The following FOXO1 variants were observed in gnomAD, a reference collection of about 807,000 sequenced individuals.
FOXO1 encodes forkhead box O1.
A neutral mutation model predicts 44.1 loss-of-function variants in FOXO1; 6 were observed. The ratio of observed to expected loss-of-function variants is 0.14; its 90% CI spans 0.07 to 0.27. The LOEUF (loss-of-function observed/expected upper bound fraction) is 0.27. Among genes scored for constraint, FOXO1 ranks in the 10% least tolerant of loss-of-function variants. The pLI is 1.00. For synonymous variants in FOXO1, 380 were observed against 362.7 expected (o/e 1.05, Z -0.54); for missense variants, 737 against 888.8 (o/e 0.83, Z 2.17).
Position 40,559,734 on chromosome 13 carries a change from C to T in FOXO1, c.1757G>A (p.Gly586Asp), listed in dbSNP as rs767915535. The change falls in exon 2 of 3, where the codon GGC (glycine) becomes GAC (aspartate). Residue 586 changes from glycine to aspartate, a missense_variant. Physicochemically the swap from Gly to Asp is moderately conservative, Grantham distance 94. Around this residue, in one of 7 missense-constraint regions of FOXO1, gnomAD observed 283 missense variants for 278.1 expected, o/e 1.02. Transcript: ENST00000379561. ...GGYSSVSSCN[G>D]YGRMGLLHQE... The stretch of plus-strand genomic sequence containing the variant: ...GTGGAGAAGGCCCATTCTGCCATAG[C>T]CATTGCAGCTGCTCACGGAGGAGTA... 1 of 1,613,656 alleles carries T rather than the reference C, an allele frequency of 6.2e-7. No individual in the cohort carries two copies. Among genetic ancestry groups the T allele is most frequent in the Non-Finnish European group, 8.5e-7 (1 of 1,179,678 alleles).
In FOXO1 at chr13:40,560,080, G is replaced by A. The variant is rs750423870; in HGVS notation, c.1411C>T (p.Pro471Ser). ...LLKELLTSDSPPHNDIMTPVD... is the reference protein window; with the variant it reads ...LLKELLTSDSSPHNDIMTPVD... ...GGTGTCATAATGTCATTATGGGGAGGAGAGTCAGAAGTCAGCAACTCCTTC... is the reference window on the plus strand; with the variant it reads ...GGTGTCATAATGTCATTATGGGGAGAAGAGTCAGAAGTCAGCAACTCCTTC... Residue 471 changes from proline to serine, a missense_variant, in exon 2 of 3, where the codon CCT becomes TCT. By Grantham distance (74) the Pro-to-Ser change is moderately conservative (BLOSUM62 -1). Coordinates refer to ENST00000379561, the MANE Select transcript of FOXO1 (RefSeq NM_002015.4). This position sits in a 1 kb window ranked among gnomAD's most constrained non-coding sequence, Gnocchi z 5.1. 8.1e-6 allele frequency: 13 copies of A among 1,614,026 alleles called. No individual in the cohort carries two copies. The highest frequency in any genetic ancestry group is 1.1e-5 in the Non-Finnish European group (13 of 1,180,036).
intron 1 of FOXO1, chr13:40,620,279 C>T (rs1438748600): frequency 8.4e-6 from 10 of 1,185,948 alleles, no homozygotes; most frequent in Admixed American, 1.7e-5. Context: ...GACAGTATTG[C>T]AAACAGAACT....
chr13:40,647,849 G>C (rs1174187258), intron 1 of FOXO1, among the ~76,000 whole-genome samples: 1 of 152,182 alleles, frequency 6.6e-6, no homozygotes, highest in East Asian at 1.9e-4. Context: ...GACTGTTCCA[G>C]CTGCAGGATC....
intron 1 of FOXO1, chr13:40,619,584 T>C (rs1876541501): frequency 6.8e-7 from 1 of 1,463,328 alleles, no homozygotes; most frequent in African/African-American, 1.4e-5. Context: ...GTAACAGAGA[T>C]CATATTACAA....
In FOXO1 at chr13:40,646,128, T is replaced by C. The variant is rs571610302; in HGVS notation, c.630+19455A>G. On this transcript the variant is annotated intron_variant, in intron 1 of 2. Transcript: ENST00000379561. The stretch of plus-strand genomic sequence containing the variant: ...AGTGAATAATTGAGAACAGAACAGA[T>C]AGACTCCCCACAATCTACAATTTTA... 1.5e-4 allele frequency among the ~76,000 whole-genome samples: 22 copies of C among 151,152 alleles called. No individual in the cohort carries two copies. The South Asian group carries it at 2.1e-3, about 14-fold the overall frequency.
intron 1 of FOXO1, among the ~76,000 whole-genome samples, chr13:40,614,605 T>C (rs1876349384): frequency 6.6e-6 from 1 of 152,166 alleles, no homozygotes; most frequent in Non-Finnish European, 1.5e-5. Flanking sequence ...GTGGAAGATC[T>C]CTTGGCCCTG....
intron 1 of FOXO1, among the ~76,000 whole-genome samples, chr13:40,567,282 G>T (rs984615461): frequency 3.9e-5 from 6 of 151,960 alleles, no homozygotes; most frequent in Admixed American, 2.6e-4. Flanking sequence ...GAAACCCTTA[G>T]ATGGCCTTCA....
chr13:40,609,993 A>G (rs1876171510), intron 1 of FOXO1, among the ~76,000 whole-genome samples: 2 of 152,182 alleles, frequency 1.3e-5, no homozygotes, highest in Admixed American at 6.5e-5. Context: ...CCGCCACTAA[A>G]TATTATTTAA....
Position 40,666,281 on chromosome 13 carries a change from G to A in FOXO1, c.-69C>T. On this transcript the variant is annotated 5_prime_UTR_variant, in exon 1 of 3. Transcript: ENST00000379561. ...GGAGAACGCAGCACTGGGGGCGGAC[G>A]GGGAGGGGGCGCGAAGGGACGGTCC... 2 of 1,269,816 alleles carry A rather than the reference G, an allele frequency of 1.6e-6. No individual in the cohort carries two copies. Among genetic ancestry groups the A allele is most frequent in the Non-Finnish European group, 2.0e-6 (2 of 992,622 alleles). 78.7% of individuals were successfully genotyped at this position (1,269,816 alleles called of 1,614,324 possible).
intron 1 of FOXO1, among the ~76,000 whole-genome samples, chr13:40,631,284 C>T (rs1347174238): frequency 6.6e-6 from 1 of 152,124 alleles, no homozygotes; most frequent in Non-Finnish European, 1.5e-5. Flanking sequence ...TGACTGTGAC[C>T]TCATGGCATA....
At chr13:40,618,854 C>A (rs117161142) in intron 1 of FOXO1, 11,025 of 526,038 alleles carry the variant, frequency 0.021, 164 homozygotes, top group Middle Eastern at 0.056. Context: ...AGAGAAGAGG[C>A]CTGAGAACTC....
intron 1 of FOXO1, among the ~76,000 whole-genome samples, chr13:40,568,598 G>A (rs1874360235): frequency 6.6e-6 from 1 of 152,178 alleles, no homozygotes; most frequent in South Asian, 2.1e-4. Flanking sequence ...GCAATAGACA[G>A]TATGTAAATC....
At chr13:40,572,114 C>T (rs1193035902) in intron 1 of FOXO1, among the ~76,000 whole-genome samples, 1 of 152,122 alleles carries the variant, frequency 6.6e-6, no homozygotes, top group Non-Finnish European at 1.5e-5. Context: ...TTTACAGAAG[C>T]CAGTGAAAAA....
At chr13:40,625,322 G>A (rs1876750943) in intron 1 of FOXO1, among the ~76,000 whole-genome samples, 2 of 152,150 alleles carry the variant, frequency 1.3e-5, no homozygotes, top group Admixed American at 6.5e-5. Flanking sequence ...TAACTCAAGG[G>A]TCTCTTTCTC....
chr13:40,611,902 G>A (rs771907525), intron 1 of FOXO1, among the ~76,000 whole-genome samples: 5 of 152,074 alleles, frequency 3.3e-5, no homozygotes, highest in Admixed American at 6.5e-5. Flanking sequence ...GCAAAACCCC[G>A]TCTCTACTGA....
At chr13:40,613,487 A>T (rs1876308080) in intron 1 of FOXO1, among the ~76,000 whole-genome samples, 1 of 152,056 alleles carries the variant, frequency 6.6e-6, no homozygotes, top group Non-Finnish European at 1.5e-5. Flanking sequence ...CAAAGTCTGG[A>T]ACTTCAAAGT....
At chr13:40,596,434 T>A (rs1875580121) in intron 1 of FOXO1, among the ~76,000 whole-genome samples, 1 of 152,216 alleles carries the variant, frequency 6.6e-6, no homozygotes, top group Non-Finnish European at 1.5e-5. Context: ...ACTCCATATA[T>A]GAGAAATGAA....
intron 1 of FOXO1, among the ~76,000 whole-genome samples, chr13:40,607,236 G>A (rs1876032017): frequency 6.6e-6 from 1 of 152,258 alleles, no homozygotes; most frequent in Non-Finnish European, 1.5e-5. Context: ...AAAACCGGAG[G>A]GCGTTGCAAC....
At chr13:40,665,140 C>T (rs1436914414) in intron 1 of FOXO1, among the ~76,000 whole-genome samples, 1 of 151,812 alleles carries the variant, frequency 6.6e-6, no homozygotes, top group Non-Finnish European at 1.5e-5. Context: ...GCCGCGCCCT[C>T]CCCCGCCGCG....
Sources: allele counts gnomAD v4.1 joint callset (sites outside exome capture counted in the v4.1 genomes callset), GRCh38; gene constraint gnomAD v4.1.1; regional missense constraint gnomAD v4.1.1; non-coding constraint Gnocchi (gnomAD v3.1); transcripts MANE v1.5; gene names NCBI Gene and HGNC (gene_info 2026-07-23, HGNC 2026-07-21).